HACL2: variants seen among roughly 807,000 people sequenced by gnomAD.
The protein encoded by HACL2 is 2-hydroxyacyl-CoA lyase 1 like.
the HACL2 span, chr19:15,123,734 G>A: frequency 1.6e-6 from 1 of 617,894 alleles, no homozygotes; most frequent in East Asian, 2.7e-5. The surrounding 1 kb of genome is among the most constrained non-coding windows in gnomAD (Gnocchi z 5.1). Context: ...CTACATGCCA[G>A]GCTCAAACCA....
At chr19:15,119,385 C>T in the HACL2 span, 139 of 1,613,074 alleles carry the variant, frequency 8.6e-5, 1 homozygote, top group East Asian at 2.7e-3. Flanking sequence ...GGACTGGGAA[C>T]GTGAAAACAA....
chr19:15,118,963 T>C, the HACL2 span, among the ~76,000 whole-genome samples: 16 of 152,184 alleles, frequency 1.1e-4, no homozygotes, highest in Non-Finnish European at 2.2e-4. Context: ...TTTTTAGCCA[T>C]TGAGTTTGGG....
the HACL2 span, chr19:15,115,321 G>A: frequency 8.8e-5 from 142 of 1,614,154 alleles, no homozygotes; most frequent in South Asian, 3.0e-4. Context: ...CCGGGTGGCC[G>A]TCTCGGCACT....
At chr19:15,121,902 T>G in the HACL2 span, among the ~76,000 whole-genome samples, 2 of 146,512 alleles carry the variant, frequency 1.4e-5, no homozygotes, top group Non-Finnish European at 3.0e-5. Context: ...TCTGCCACTT[T>G]TTTTTTTTTT....
chr19:15,124,726 T>G, the HACL2 span: 1 of 691,200 alleles, frequency 1.4e-6, no homozygotes, highest in South Asian at 2.1e-5. Flanking sequence ...CCGTGTTCTC[T>G]CTTACCAGTG....
chr19:15,123,486 C>T, the HACL2 span: 14 of 1,614,172 alleles, frequency 8.7e-6, no homozygotes, highest in Non-Finnish European at 1.2e-5. This position sits in a 1 kb window ranked among gnomAD's most constrained non-coding sequence, Gnocchi z 5.1. Context: ...GAAATGTGCC[C>T]ACCGACCAGC....
the HACL2 span, chr19:15,122,584 G>C: frequency 2.2e-6 from 2 of 893,400 alleles, no homozygotes; most frequent in Non-Finnish European, 3.6e-6. This position sits in a 1 kb window ranked among gnomAD's most constrained non-coding sequence, Gnocchi z 4.0. Flanking sequence ...TCTCCCCCCA[G>C]CTGTCTCCTC....
At chr19:15,121,681 C>T in the HACL2 span, among the ~76,000 whole-genome samples, 7 of 150,144 alleles carry the variant, frequency 4.7e-5, no homozygotes, top group South Asian at 1.3e-3. Flanking sequence ...TGGTGGCGGG[C>T]GCCTGTAGTC....
At chr19:15,119,933 C>G in the HACL2 span, 13 of 1,308,968 alleles carry the variant, frequency 9.9e-6, no homozygotes, top group Middle Eastern at 1.9e-4. Context: ...GGGCCCTCTC[C>G]CCTCAGGGAG....
the HACL2 span, chr19:15,124,944 A>T: frequency 1.2e-6 from 2 of 1,607,930 alleles, no homozygotes; most frequent in African/African-American, 2.7e-5. Flanking sequence ...CAGCTGATAG[A>T]AGAGCCCCAG....
chr19:15,116,562 C>T, the HACL2 span: 2 of 1,526,580 alleles, frequency 1.3e-6, no homozygotes, highest in African/African-American at 1.4e-5. Context: ...GAGCTGGCTT[C>T]CTCCTGTTCT....
the HACL2 span, chr19:15,115,929 G>A: frequency 6.2e-7 from 1 of 1,614,158 alleles, no homozygotes; most frequent in Non-Finnish European, 8.5e-7. Flanking sequence ...GACCTAGTCG[G>A]GAGGGGACCC....
the HACL2 span, chr19:15,119,465 C>T: frequency 1.2e-6 from 2 of 1,614,040 alleles, no homozygotes; most frequent in South Asian, 1.1e-5. Flanking sequence ...GACTCCCCAG[C>T]ACCATCAGAG....
chr19:15,118,049 G>T, the HACL2 span: 8 of 1,612,764 alleles, frequency 5.0e-6, no homozygotes, highest in South Asian at 8.8e-5. Flanking sequence ...GTAGGCAGAG[G>T]CCCCATGTCG....
chr19:15,116,463 G>C, the HACL2 span: 4 of 1,613,876 alleles, frequency 2.5e-6, no homozygotes, highest in Non-Finnish European at 2.5e-6. Flanking sequence ...ACCCAGTCTG[G>C]GGCCCAGGTC....
chr19:15,123,052 C>T, the HACL2 span: 4 of 1,607,974 alleles, frequency 2.5e-6, no homozygotes, highest in Admixed American at 3.3e-5. The surrounding 1 kb of genome is among the most constrained non-coding windows in gnomAD (Gnocchi z 5.1). Context: ...AGAGGTGTGG[C>T]AGGGTTATCG....
chr19:15,115,896 G>A, the HACL2 span: 1 of 1,614,152 alleles, frequency 6.2e-7, no homozygotes, highest in African/African-American at 1.3e-5. Flanking sequence ...GTAGCCAAAA[G>A]CTCCGTCCCC....
chr19:15,119,658 C>T, the HACL2 span: 1 of 735,288 alleles, frequency 1.4e-6, no homozygotes, highest in Non-Finnish European at 2.2e-6. Context: ...TCAAACGATT[C>T]TCCCGCCTCA....
At chr19:15,122,653 G>A in the HACL2 span, 11 of 1,535,694 alleles carry the variant, frequency 7.2e-6, no homozygotes, top group East Asian at 9.0e-5. This position sits in a 1 kb window ranked among gnomAD's most constrained non-coding sequence, Gnocchi z 4.0. Context: ...AGGAGAGAAC[G>A]GGGGATAAAG....
Sources: allele counts gnomAD v4.1 joint callset (sites outside exome capture counted in the v4.1 genomes callset), GRCh38; gene constraint gnomAD v4.1.1; non-coding constraint Gnocchi (gnomAD v3.1); transcripts MANE v1.5; gene names NCBI Gene and HGNC (gene_info 2026-07-23, HGNC 2026-07-21).